Variants in CAST observed in about 807,000 individuals in gnomAD.
CAST encodes the protein calpastatin, also known as MIR583 host.
Under a neutral mutation model 119.6 loss-of-function variants are expected in CAST, and 76 were observed. The ratio of observed to expected loss-of-function variants is 0.64; its 90% CI spans 0.53 to 0.77. The LOEUF (loss-of-function observed/expected upper bound fraction) is 0.77. Among genes scored for constraint, CAST ranks in the 30% least tolerant of loss-of-function variants. The pLI is 0.00. For synonymous variants in CAST, 319 were observed against 331.6 expected (o/e 0.96, Z 0.41); for missense variants, 953 against 946.5 (o/e 1.01, Z -0.09).
At chr5:96,757,285 C>T (rs769013521) in intron 22 of CAST, among the ~76,000 whole-genome samples, 159 bp from the exon 23 acceptor site, 1 of 152,122 alleles carries the variant, frequency 6.6e-6, no homozygotes, top group African/African-American at 2.4e-5. Context: ...CTAATTAGAG[C>T]ATATTCTCTG....
At chr5:96,375,895 C>CTA in the CAST span, among the ~76,000 whole-genome samples, 9 of 142,294 alleles carry the variant, frequency 6.3e-5, no homozygotes, top group African/African-American at 1.9e-4. Flanking sequence ...AAATCTCTCT[C>CTA]TCTCTATATA....
At chr5:96,647,428 CGATTATACCACCTTGT>C (rs1748028439) in intron 1 of CAST, among the ~76,000 whole-genome samples, 1 of 152,134 alleles carries the variant, frequency 6.6e-6, no homozygotes, top group Non-Finnish European at 1.5e-5. Context: ...TATGAACCTT[CGATTATACCACCTTGT>C]GCTGTTCTAG....
At chr5:96,741,644 C>A in intron 15 of CAST, 64 bp downstream of exon 15, 1 of 1,043,118 alleles carries the variant, frequency 9.6e-7, no homozygotes, top group Non-Finnish European at 1.5e-6. Flanking sequence ...ATTCAGGAAA[C>A]TGCCAGTAGC....
the CAST span, among the ~76,000 whole-genome samples, chr5:96,185,118 A>G: frequency 6.6e-6 from 1 of 152,048 alleles, no homozygotes; most frequent in Non-Finnish European, 1.5e-5. Context: ...AGCTTTTTCC[A>G]TATTATTATT....
chr5:96,461,859 A>G, the CAST span, among the ~76,000 whole-genome samples: 4 of 152,162 alleles, frequency 2.6e-5, no homozygotes, highest in South Asian at 8.3e-4. Flanking sequence ...TCAAGTGATT[A>G]AGTCCCAGCT....
the CAST span, among the ~76,000 whole-genome samples, chr5:96,464,763 G>T: frequency 6.6e-6 from 1 of 152,166 alleles, no homozygotes; most frequent in Admixed American, 6.5e-5. Flanking sequence ...AATGTGTATG[G>T]TAAACACCTG....
chr5:96,274,380 G>A, the CAST span, among the ~76,000 whole-genome samples: 1 of 151,804 alleles, frequency 6.6e-6, no homozygotes, highest in Non-Finnish European at 1.5e-5. Flanking sequence ...GGGATTACAG[G>A]CACGAGCCAC....
intron 1 of CAST, among the ~76,000 whole-genome samples, chr5:96,648,720 G>C (rs1042405474): frequency 2.3e-5 from 3 of 129,774 alleles, no homozygotes; most frequent in Non-Finnish European, 5.4e-5. Context: ...ATATATGCGT[G>C]TGTGTGTGTG....
At chr5:96,376,109 A>AT in the CAST span, among the ~76,000 whole-genome samples, 3 of 149,448 alleles carry the variant, frequency 2.0e-5, no homozygotes, top group Non-Finnish European at 3.0e-5. Flanking sequence ...GTGAATTCAT[A>AT]TTTTTTCTAT....
chr5:96,480,567 TG>T, the CAST span, among the ~76,000 whole-genome samples: 1 of 152,304 alleles, frequency 6.6e-6, no homozygotes, highest in South Asian at 2.1e-4. Context: ...ACTGAGGTTA[TG>T]GGGATGAATG....
the CAST span, among the ~76,000 whole-genome samples, chr5:96,101,830 G>A: frequency 2.6e-5 from 4 of 152,124 alleles, no homozygotes; most frequent in Non-Finnish European, 5.9e-5. Context: ...GCGAGTGAAT[G>A]TGGGATCTGT....
At chr5:96,026,109 C>T in the CAST span, among the ~76,000 whole-genome samples, 2 of 152,102 alleles carry the variant, frequency 1.3e-5, no homozygotes, top group South Asian at 2.1e-4. Flanking sequence ...TGGTGGCATG[C>T]ACCCGTGGTC....
chr5:96,417,599 C>T, the CAST span, among the ~76,000 whole-genome samples: 10 of 151,928 alleles, frequency 6.6e-5, no homozygotes, highest in African/African-American at 1.2e-4. Context: ...CAAGCAGAGG[C>T]GAGCAGCACT....
chr5:96,644,385 C>CA (rs1236643020), intron 1 of CAST, among the ~76,000 whole-genome samples: 1 of 152,228 alleles, frequency 6.6e-6, no homozygotes, highest in Non-Finnish European at 1.5e-5. Flanking sequence ...TGGTCAGCTA[C>CA]AGCCAGCAAC....
At chr5:96,521,143 T>G (rs1745510404), upstream of CAST, among the ~76,000 whole-genome samples, 1 of 152,212 alleles carries the variant, frequency 6.6e-6, no homozygotes, top group African/African-American at 2.4e-5. Context: ...TTCCCTGAGG[T>G]GTGCTCTTCT....
At chr5:96,649,213 T>C (rs567375905) in intron 1 of CAST, among the ~76,000 whole-genome samples, 1 of 152,124 alleles carries the variant, frequency 6.6e-6, no homozygotes, top group Non-Finnish European at 1.5e-5. Context: ...TTTTAAAAAG[T>C]TTTTTCATGT....
intron 1 of CAST, among the ~76,000 whole-genome samples, chr5:96,599,338 A>AG (rs1747105113): frequency 6.6e-6 from 1 of 152,210 alleles, no homozygotes; most frequent in East Asian, 1.9e-4. Flanking sequence ...AAATCAATGC[A>AG]GGTGGTATGA....
chr5:96,729,032 C>CGTCGTA, intron 6 of CAST, 121 bp from the exon 7 acceptor site: 1 of 654,224 alleles, frequency 1.5e-6, no homozygotes, highest in South Asian at 1.9e-5. Context: ...CTGAGTGGGC[C>CGTCGTA]TAAGCGGGCT....
chr5:96,356,449 G>C, the CAST span, among the ~76,000 whole-genome samples: 2 of 152,004 alleles, frequency 1.3e-5, no homozygotes, highest in African/African-American at 4.8e-5. Context: ...TTTTATTTTA[G>C]GTTTTTATGG....
Sources: gnomAD v4.1 joint callset for allele counts (sites outside exome capture counted in the v4.1 genomes callset) on GRCh38, gnomAD v4.1.1 for gene constraint, MANE v1.5 for transcripts, NCBI Gene and HGNC (gene_info 2026-07-23, HGNC 2026-07-21) for gene names.